The following PHKG2 variants were observed in gnomAD, a reference collection of about 807,000 sequenced individuals.
The protein encoded by PHKG2 is phosphorylase kinase catalytic subunit gamma 2.
A neutral mutation model predicts 44.5 loss-of-function variants in PHKG2; 28 were observed. That is an observed-to-expected ratio of 0.63 (90% CI 0.47 to 0.86). The LOEUF is 0.86. PHKG2 is among the 40% of genes least tolerant of loss of function. The pLI is 0.00. For synonymous variants in PHKG2, 220 were observed against 211.2 expected (o/e 1.04, Z -0.36); for missense variants, 498 against 547.5 (o/e 0.91, Z 0.90).
chr16:30,760,076 C>A lies in PHKG2; in HGVS notation c.*2979C>A. ...GCATATATTTGCATATATTATTTCT[C>A]AGAACAGTCCTGTAAAATGTGTGCT... is the stretch of plus-strand genomic sequence containing the variant. On this transcript the variant is annotated 3_prime_UTR_variant, in exon 10 of 10. Coordinates refer to ENST00000563588, the MANE Select transcript of PHKG2 (RefSeq NM_000294.3). 1 of 1,534,304 alleles carries A rather than the reference C, an allele frequency of 6.5e-7. No homozygotes were observed. Among genetic ancestry groups the A allele is most frequent in the Admixed American group, 2.0e-5 (1 of 50,628 alleles).
intron 2 of PHKG2, among the ~76,000 whole-genome samples, 182 bp downstream of exon 2, chr16:30,749,097 C>G (rs1480586051): frequency 0.027 from 549 of 20,178 alleles, 122 homozygotes; most frequent in Middle Eastern, 0.056. Flanking sequence ...GGTGCTGCTG[C>G]TGCTGCTGCT....
chr16:30,750,299 A>G (rs1305026722), intron 2 of PHKG2, among the ~76,000 whole-genome samples: 1 of 152,222 alleles, frequency 6.6e-6, no homozygotes, highest in Non-Finnish European at 1.5e-5. Flanking sequence ...CCTTGATTTA[A>G]CTAGATGTGG....
At chr16:30,748,542 T>A in intron 1 of PHKG2, 52 bp downstream of exon 1, 1 of 515,674 alleles carries the variant, frequency 1.9e-6, no homozygotes, top group Non-Finnish European at 3.5e-6. Flanking sequence ...CGAATGCGCC[T>A]GCGCGGCAAC....
At chr16:30,749,076 G>C (rs1567259440) in intron 2 of PHKG2, among the ~76,000 whole-genome samples, 161 bp downstream of exon 2, 3,407 of 28,322 alleles carry the variant, frequency 0.12, 832 homozygotes, top group East Asian at 0.3. Flanking sequence ...GGTGGTGGTG[G>C]TGGTGGTGGT....
At chr16:30,752,318 G>A (rs991565588) in intron 4 of PHKG2, among the ~76,000 whole-genome samples, 1 of 146,496 alleles carries the variant, frequency 6.8e-6, no homozygotes, top group Non-Finnish European at 1.5e-5. Flanking sequence ...CTTGAACCCG[G>A]GAGGCGGAGG....
chr16:30,759,013 T>C lies in PHKG2; in HGVS notation c.*1916T>C. 6.2e-7 allele frequency: 1 copy of C among 1,614,212 alleles called. No individual in the cohort carries two copies. The highest frequency in any genetic ancestry group is 8.5e-7 in the Non-Finnish European group (1 of 1,180,020). On this transcript the variant is annotated 3_prime_UTR_variant, in exon 10 of 10. Transcript: ENST00000563588. ...AGCCTGCCCTCTCCAGATCCTCACT[T>C]GGCTCTGGCTCTGGTGGGGCCACTG...
At chr16:30,755,021 C>A (rs1028397737) in intron 6 of PHKG2, 1 of 422,614 alleles carries the variant, frequency 2.4e-6, no homozygotes, top group Non-Finnish European at 4.9e-6. Flanking sequence ...TGGAAGTGTG[C>A]CATGGAACAA....
In PHKG2 at chr16:30,756,354, G is replaced by A. The variant is rs184960414; in HGVS notation, c.648-13G>A. 3.2e-5 allele frequency: 52 copies of A among 1,614,124 alleles called. No homozygotes were observed. The highest frequency in any genetic ancestry group is 1.6e-4 in the African/African-American group (12 of 75,024). ...CGTCACCTAGTCCCGCCTGACTCCA[G>A]TCTCTTTCCCAGCTGGGCCTGTGGG... On this transcript the variant is annotated splice_polypyrimidine_tract_variant and intron_variant, in intron 7 of 9. Transcript: ENST00000563588.
At chr16:30,756,743 C>T (rs1213565316) in intron 9 of PHKG2, 28 bp downstream of exon 9, 3 of 1,613,962 alleles carry the variant, frequency 1.9e-6, no homozygotes, top group Non-Finnish European at 2.5e-6. Flanking sequence ...AGGGTCTGGG[C>T]CCGTTTCTCT....
At position 30,760,709 on chromosome 16, in the gene PHKG2, T is replaced by C. The variant is rs758167193; in HGVS notation, c.*3612T>C. ...AAAAAGAGTATTGGTGGCCGTTACC[T>C]ATCATGACAAGGCTGTGACAGCTAG... On this transcript the variant is annotated 3_prime_UTR_variant, in exon 10 of 10. Coordinates refer to ENST00000563588, the MANE Select transcript of PHKG2 (RefSeq NM_000294.3). 9 of 1,533,014 alleles carry C rather than the reference T, an allele frequency of 5.9e-6. No individual in the cohort carries two copies. The African/African-American group carries it at 9.6e-5, about 16-fold the overall frequency. The allele number at this position is 1,533,014 out of a possible 1,614,324, so 95.0% of individuals were successfully genotyped here.
intron 1 of PHKG2, 105 bp from the exon 2 acceptor site, chr16:30,748,693 CCAGGA>C: frequency 1.1e-5 from 5 of 448,666 alleles, no homozygotes; most frequent in Admixed American, 8.6e-5. Context: ...CCCCCACCCC[CCAGGA>C]CCCTGGCGCC....
At chr16:30,755,466 G>A (rs1043404959) in intron 6 of PHKG2, among the ~76,000 whole-genome samples, 1 of 152,072 alleles carries the variant, frequency 6.6e-6, no homozygotes, top group African/African-American at 2.4e-5. Context: ...TCACGAGTCA[G>A]GAGTTCAAGA....
Position 30,756,366 on chromosome 16 carries a change from G to A in PHKG2, c.648-1G>A, listed in dbSNP as rs2053426862. The A allele has an allele frequency of 6.2e-7, 1 of 1,614,090 alleles. No homozygotes were observed. The highest frequency in any genetic ancestry group is 8.5e-7 in the Non-Finnish European group (1 of 1,180,012). ...CCGCCTGACTCCAGTCTCTTTCCCA[G>A]CTGGGCCTGTGGGGTGATCTTGTTC... On this transcript the variant is annotated splice_acceptor_variant, in intron 7 of 9. Coordinates refer to ENST00000563588, the MANE Select transcript of PHKG2 (RefSeq NM_000294.3). LOFTEE classifies it high-confidence loss of function.
rs376287076 is a variant in PHKG2 at position 30,760,049 on chromosome 16, A to G, written c.*2952A>G. 2 of 1,524,522 alleles carry G rather than the reference A, an allele frequency of 1.3e-6. No homozygotes were observed. Among genetic ancestry groups the G allele is most frequent in the African/African-American group, 1.4e-5 (1 of 72,720 alleles). 94.4% of individuals were successfully genotyped at this position (1,524,522 alleles called of 1,614,324 possible). On this transcript the variant is annotated 3_prime_UTR_variant, in exon 10 of 10. Coordinates refer to ENST00000563588, the MANE Select transcript of PHKG2 (RefSeq NM_000294.3). Reference sequence around the variant, plus strand: ...TCTAAAGCAGGTGTTATTGTGCACTATGCATATATTTGCATATATTATTTC... The same window carrying G: ...TCTAAAGCAGGTGTTATTGTGCACTGTGCATATATTTGCATATATTATTTC...
Position 30,757,734 on chromosome 16 carries a change from A to G in PHKG2, c.*637A>G. Reference sequence around the variant, plus strand: ...GGGGATGGTCCCTAGTTGGGCAAACAGTCCCCAAATTTCCCCTGGTGGGGA... The same window carrying G: ...GGGGATGGTCCCTAGTTGGGCAAACGGTCCCCAAATTTCCCCTGGTGGGGA... On this transcript the variant is annotated 3_prime_UTR_variant, in exon 10 of 10. Transcript: ENST00000563588. 6.6e-7 allele frequency: 1 copy of G among 1,505,230 alleles called. No homozygotes were observed. Among genetic ancestry groups the G allele is most frequent in the Non-Finnish European group, 8.8e-7 (1 of 1,130,230 alleles). The allele number at this position is 1,505,230 out of a possible 1,614,324, so 93.2% of individuals were successfully genotyped here. A position where few individuals can be genotyped will look rare whatever the true frequency, so the allele number is the denominator to read the frequency against.
In PHKG2 at chr16:30,757,318, G is replaced by A. The variant is rs982412913; in HGVS notation, c.*221G>A. On this transcript the variant is annotated 3_prime_UTR_variant, in exon 10 of 10. Coordinates refer to ENST00000563588, the MANE Select transcript of PHKG2 (RefSeq NM_000294.3). ...GAACGCCACGCCTGGCCCGGTCAGT[G>A]CTGCATGCACTGCATATGAAATAAA... is the stretch of plus-strand genomic sequence containing the variant. 2 of 1,533,960 alleles carry A rather than the reference G, an allele frequency of 1.3e-6. No homozygotes were observed. The highest frequency in any genetic ancestry group is 1.7e-6 in the Non-Finnish European group (2 of 1,146,752).
intron 6 of PHKG2, among the ~76,000 whole-genome samples, chr16:30,755,971 C>T (rs1299549235): frequency 6.6e-6 from 1 of 151,988 alleles, no homozygotes; most frequent in Non-Finnish European, 1.5e-5. Context: ...ATCCAAAACC[C>T]AGGTTTTCCT....
chr16:30,749,280 CTG>C (rs66820167), intron 2 of PHKG2, among the ~76,000 whole-genome samples: 143,035 of 147,640 alleles, frequency 0.97, 69,457 homozygotes, highest in East Asian at 1. Context: ...GTGTGTGTGT[CTG>C]TGTGTGTGTG....
intron 6 of PHKG2, chr16:30,754,812 G>T: frequency 2.2e-6 from 1 of 453,238 alleles, no homozygotes; most frequent in African/African-American, 2.0e-5. Context: ...CTTGCTTTCT[G>T]TTCTCCCATC....
Sources: allele counts gnomAD v4.1 joint callset (sites outside exome capture counted in the v4.1 genomes callset), GRCh38; gene constraint gnomAD v4.1.1; transcripts MANE v1.5; gene names NCBI Gene and HGNC (gene_info 2026-07-23, HGNC 2026-07-21).